The following GMDS variants were observed in gnomAD, a reference collection of about 807,000 sequenced individuals.
The protein encoded by GMDS is GDP-mannose 4,6-dehydratase.
GMDS carries 20 observed loss-of-function variants against 49.9 expected under a neutral mutation model. The ratio of observed to expected loss-of-function variants is 0.40; its 90% confidence interval spans 0.28 to 0.58. The LOEUF (loss-of-function observed/expected upper bound fraction) is 0.58, where lower values mean the gene tolerates loss of function less well. Ranked by LOEUF, GMDS falls within the 20% of genes least tolerant of loss-of-function variation. GMDS has a pLI of 0.42. For synonymous variants in GMDS, 177 were observed against 178.6 expected, an observed-to-expected ratio of 0.99 and a Z score of 0.07; for missense variants, 362 against 481.4, an observed-to-expected ratio of 0.75 and a Z score of 2.32.
At chr6:1,885,734 C>T (rs895748468) in intron 7 of GMDS, among the ~76,000 whole-genome samples, 1 of 152,188 alleles carries the variant, frequency 6.6e-6, no homozygotes, top group African/African-American at 2.4e-5. Context: ...TACGGGACAT[C>T]GCTCCTCCTC....
chr6:1,676,326 A>G (rs1764622662), intron 9 of GMDS, among the ~76,000 whole-genome samples: 1 of 152,254 alleles, frequency 6.6e-6, no homozygotes, highest in Admixed American at 6.5e-5. Flanking sequence ...ATGGATAGGA[A>G]GAATCAATAT....
At chr6:1,879,907 C>T (rs1479084095) in intron 7 of GMDS, among the ~76,000 whole-genome samples, 10 of 152,052 alleles carry the variant, frequency 6.6e-5, no homozygotes, top group Non-Finnish European at 1.5e-4. Context: ...GAGGCACGAC[C>T]TACACTGCAA....
intron 1 of GMDS, among the ~76,000 whole-genome samples, chr6:2,227,641 T>C (rs1780876358): frequency 6.6e-6 from 1 of 151,396 alleles, no homozygotes; most frequent in Admixed American, 6.6e-5. Flanking sequence ...ATGCAGGGAG[T>C]GAGGTGCCAA....
chr6:2,124,910 A>T (rs772004153), intron 1 of GMDS, among the ~76,000 whole-genome samples, 179 bp from the exon 2 acceptor site: 1 of 152,250 alleles, frequency 6.6e-6, no homozygotes, highest in Non-Finnish European at 1.5e-5. Context: ...ACTATACACA[A>T]AGCATTTTCA....
At chr6:1,770,052 T>C (rs1355763573) in intron 7 of GMDS, among the ~76,000 whole-genome samples, 1 of 152,218 alleles carries the variant, frequency 6.6e-6, no homozygotes, top group African/African-American at 2.4e-5. Context: ...ATGATTGATA[T>C]CTTTTGTTAT....
At chr6:1,898,640 AACC>A (rs1355516245) in intron 7 of GMDS, among the ~76,000 whole-genome samples, 2 of 152,196 alleles carry the variant, frequency 1.3e-5, no homozygotes, top group Non-Finnish European at 2.9e-5. Context: ...TTGAACAACT[AACC>A]ACAAGTGTCC....
chr6:2,180,953 G>T (rs1320386193), intron 1 of GMDS, among the ~76,000 whole-genome samples: 1 of 151,978 alleles, frequency 6.6e-6, no homozygotes, highest in African/African-American at 2.4e-5. Flanking sequence ...AGATCATGAG[G>T]TCAGGAGATC....
At chr6:1,653,077 G>A (rs975552538) in intron 9 of GMDS, among the ~76,000 whole-genome samples, 6 of 151,774 alleles carry the variant, frequency 4.0e-5, no homozygotes, top group African/African-American at 1.5e-4. Flanking sequence ...CGGCAGCCTT[G>A]AGGAGCACAG....
intron 7 of GMDS, among the ~76,000 whole-genome samples, chr6:1,810,563 G>A (rs192229905): frequency 7.2e-5 from 11 of 152,238 alleles, no homozygotes; most frequent in South Asian, 4.1e-4. Flanking sequence ...GGTTACAGGC[G>A]TGAGCCACCA....
chr6:2,175,965 A>G (rs1377048159), intron 1 of GMDS: 5 of 1,528,796 alleles, frequency 3.3e-6, no homozygotes, highest in Non-Finnish European at 4.4e-6. Context: ...GGCAATGGTA[A>G]CGCTCCCAAC....
At chr6:1,904,241 T>A (rs537300580) in intron 7 of GMDS, among the ~76,000 whole-genome samples, 3 of 152,152 alleles carry the variant, frequency 2.0e-5, no homozygotes, top group African/African-American at 7.2e-5. Flanking sequence ...GGAGAGAAAA[T>A]GGCTCCTGAA....
chr6:2,083,530 A>C (rs1772837307), intron 4 of GMDS, among the ~76,000 whole-genome samples: 1 of 152,228 alleles, frequency 6.6e-6, no homozygotes, highest in Non-Finnish European at 1.5e-5. Flanking sequence ...CATTCAAATG[A>C]AAATGCCACA....
intron 7 of GMDS, among the ~76,000 whole-genome samples, chr6:1,891,372 G>T (rs1194757292): frequency 6.6e-6 from 1 of 152,174 alleles, no homozygotes; most frequent in Non-Finnish European, 1.5e-5. Flanking sequence ...TAATGTGCTG[G>T]GATAAGAAAT....
chr6:2,098,248 G>T (rs1394976087), intron 4 of GMDS, among the ~76,000 whole-genome samples: 1 of 152,118 alleles, frequency 6.6e-6, no homozygotes, highest in Non-Finnish European at 1.5e-5. Context: ...AGTAGAGATG[G>T]TGTTTCGCCA....
rs1766595594 is a variant in GMDS, at chr6:1,726,521, A to G, written c.891-9T>C. The G allele has an allele frequency of 1.9e-6, 3 of 1,587,890 alleles. No individual in the cohort carries two copies. The highest frequency in any genetic ancestry group is 1.7e-4 in the Middle Eastern group (1 of 6,008). ...CATTCTTTCCTTCCCACCTGTAAGGAAGATAAACACTGAATCAGCTCCTAA... is the reference window on the plus strand; with the variant it reads ...CATTCTTTCCTTCCCACCTGTAAGGGAGATAAACACTGAATCAGCTCCTAA... On this transcript the variant is annotated splice_polypyrimidine_tract_variant and intron_variant, in intron 8 of 10. Coordinates refer to ENST00000380815, the MANE Select transcript of GMDS (RefSeq NM_001500.4).
intron 1 of GMDS, among the ~76,000 whole-genome samples, chr6:2,213,372 C>T (rs766595123): frequency 1.3e-5 from 2 of 152,158 alleles, no homozygotes; most frequent in South Asian, 4.1e-4. Flanking sequence ...CCATTAAGCT[C>T]TTTGGGTTTC....
At chr6:2,034,578 T>C (rs544179573) in intron 4 of GMDS, among the ~76,000 whole-genome samples, 1 of 152,360 alleles carries the variant, frequency 6.6e-6, no homozygotes, top group Admixed American at 6.5e-5. Context: ...TCAACAACGC[T>C]GTTATTAAAA....
chr6:1,851,150 G>A (rs910856480), intron 7 of GMDS, among the ~76,000 whole-genome samples: 4 of 152,136 alleles, frequency 2.6e-5, no homozygotes, highest in Non-Finnish European at 5.9e-5. Flanking sequence ...CATCAAATGC[G>A]CTTTCTTACA....
chr6:2,102,640 GA>G (rs1004981551), intron 4 of GMDS, among the ~76,000 whole-genome samples: 8 of 152,236 alleles, frequency 5.3e-5, no homozygotes, highest in African/African-American at 1.7e-4. Flanking sequence ...AAGTGTAAAA[GA>G]AAAAGTACGC....
Sources: gnomAD v4.1 joint callset for allele counts (sites outside exome capture counted in the v4.1 genomes callset) on GRCh38, gnomAD v4.1.1 for gene constraint, MANE v1.5 for transcripts, NCBI Gene and HGNC (gene_info 2026-07-23, HGNC 2026-07-21) for gene names.